Variants in PALLD observed in about 807,000 individuals in gnomAD.
The protein encoded by PALLD is palladin.
A neutral mutation model predicts 123.5 loss-of-function variants in PALLD; 61 were observed. The ratio of observed to expected loss-of-function variants is 0.49; its 90% CI spans 0.40 to 0.61. The LOEUF is 0.61. PALLD is among the 20% of genes least tolerant of loss of function. PALLD has a pLI of 0.00. For synonymous variants in PALLD, 465 were observed against 496.4 expected (o/e 0.94, Z 0.84); for missense variants, 1,273 against 1,377.0 (o/e 0.92, Z 1.20).
chr4:168,893,436 C>T (rs377648651), intron 11 of PALLD, among the ~76,000 whole-genome samples: 2 of 152,120 alleles, frequency 1.3e-5, no homozygotes, highest in Non-Finnish European at 2.9e-5. Context: ...TTTCACTTCC[C>T]GGTTTCAGCT....
chr4:168,688,383 G>A (rs1325153384), intron 6 of PALLD, among the ~76,000 whole-genome samples: 2 of 152,194 alleles, frequency 1.3e-5, no homozygotes, highest in Admixed American at 6.5e-5. Context: ...CAGACTGGTG[G>A]ACCACAGGAC....
chr4:168,523,258 A>AGGAGGAAG (rs1763735771), intron 2 of PALLD, among the ~76,000 whole-genome samples: 2 of 130,240 alleles, frequency 1.5e-5, no homozygotes, highest in African/African-American at 5.7e-5. Flanking sequence ...AGGGTAAGGA[A>AGGAGGAAG]GGAGGAAGGG....
At chr4:168,785,825 T>A (rs1736630468) in intron 10 of PALLD, among the ~76,000 whole-genome samples, 1 of 107,848 alleles carries the variant, frequency 9.3e-6, no homozygotes, top group Admixed American at 1.0e-4. Context: ...GGGGACAGAG[T>A]CAGTTCTAAT....
At chr4:168,691,029 A>G (rs1355802280) in intron 7 of PALLD, among the ~76,000 whole-genome samples, 4 of 152,190 alleles carry the variant, frequency 2.6e-5, no homozygotes, top group Admixed American at 6.5e-5. Context: ...GAGCCCATCT[A>G]TGAACTGCAG....
chr4:168,769,616 T>C (rs921387892), intron 10 of PALLD, among the ~76,000 whole-genome samples: 1 of 152,180 alleles, frequency 6.6e-6, no homozygotes, highest in African/African-American at 2.4e-5. Flanking sequence ...TCTGAGGAGC[T>C]TAGGGAACTC....
At chr4:168,701,533 A>T (rs976633136) in intron 8 of PALLD, among the ~76,000 whole-genome samples, 1 of 152,242 alleles carries the variant, frequency 6.6e-6, no homozygotes, top group South Asian at 2.1e-4. Context: ...TAGAAGCATC[A>T]GAAGGAATTC....
intron 2 of PALLD, among the ~76,000 whole-genome samples, chr4:168,523,366 A>G (rs1475932785): frequency 1.3e-5 from 2 of 152,058 alleles, no homozygotes; most frequent in Non-Finnish European, 2.9e-5. Context: ...CTTCAAAATA[A>G]TTTTCACCAT....
Position 168,710,720 on chromosome 4 carries a change from G to A in PALLD, c.1622-861G>A, listed in dbSNP as rs573525250. ...GTTACAGAGCAAAGAGGACCCCAGC[G>A]TTTTGATTCCGAGTTGGCTTCAACA... On this transcript the variant is annotated intron_variant, in intron 9 of 21. Transcript: ENST00000505667. Among the ~76,000 whole-genome samples the A allele has an allele frequency of 2.1e-4, 32 of 152,308 alleles. 1 individual carries two copies. In the East Asian group the frequency reaches 3.7e-3, roughly 17 times the overall value.
At position 168,898,575 on chromosome 4, in the gene PALLD, G is replaced by T. The variant is rs864622234; in HGVS notation, c.2333G>T (p.Gly778Val). The part of the protein sequence containing the change: ...RLERSPVDES[G>V]DEVQYGDVPV... ...GAAAGGTCTCCTGTGGATGAATCAG[G>T]TGATGAAGTTCAGTATGGAGATGTG... The change falls in exon 14 of 22, where the codon GGT becomes GTT. Residue 778 changes from glycine (G) to valine (V), a missense_variant. Gly to Val is a moderately radical substitution (Grantham distance 109, BLOSUM62 -3). This residue lies in a region of PALLD where 944 missense variants were observed against 954.5 expected (regional missense o/e 0.99). Coordinates refer to ENST00000505667, the MANE Select transcript of PALLD (RefSeq NM_001166108.2). 2 of 1,613,788 alleles carry T rather than the reference G, an allele frequency of 1.2e-6. No homozygotes were observed. The highest frequency in any genetic ancestry group is 1.7e-6 in the Non-Finnish European group (2 of 1,179,638).
At chr4:168,543,943 TGAA>T (rs1469459314) in intron 2 of PALLD, among the ~76,000 whole-genome samples, 1 of 152,248 alleles carries the variant, frequency 6.6e-6, no homozygotes, top group Non-Finnish European at 1.5e-5. Context: ...TGTGTATACA[TGAA>T]GATGTACTCA....
chr4:168,754,210 C>G (rs922777147), intron 10 of PALLD, among the ~76,000 whole-genome samples: 7 of 152,192 alleles, frequency 4.6e-5, no homozygotes, highest in African/African-American at 1.4e-4. Flanking sequence ...CACTGCTAAT[C>G]TATACCTCAG....
intron 2 of PALLD, among the ~76,000 whole-genome samples, chr4:168,557,721 A>T (rs1356885569): frequency 6.6e-6 from 1 of 152,194 alleles, no homozygotes; most frequent in African/African-American, 2.4e-5. Flanking sequence ...GGTCTCCTTC[A>T]GTAGTAAGAA....
chr4:168,830,407 G>T (rs1214695500), intron 10 of PALLD, among the ~76,000 whole-genome samples: 1 of 151,880 alleles, frequency 6.6e-6, no homozygotes, highest in East Asian at 1.9e-4. Context: ...GCACGTGCCT[G>T]TAGCCCTAGT....
Position 168,512,071 on chromosome 4 carries a change from A to G in PALLD, c.567A>G (p.Arg189=). Residue 189 remains arginine (R), a synonymous_variant, in exon 2 of 22, where the codon AGA becomes AGG. Coordinates refer to ENST00000505667, the MANE Select transcript of PALLD (RefSeq NM_001166108.2). The part of the protein sequence containing the change: ...LTSIFKAAKP[R]NRSPNGESSS... ...CCATATTTAAAGCCGCAAAGCCAAG[A>G]AACAGAAGCCCAAATGGGGAGTCCT... 6.2e-7 allele frequency: 1 copy of G among 1,614,244 alleles called. No individual in the cohort carries two copies. Among genetic ancestry groups the G allele is most frequent in the Middle Eastern group, 1.6e-4 (1 of 6,062 alleles).
At chr4:168,539,568 AAAAT>A (rs150961800) in intron 2 of PALLD, among the ~76,000 whole-genome samples, 28,972 of 144,996 alleles carry the variant, frequency 0.2, 3,069 homozygotes, top group South Asian at 0.25. Context: ...TCAAAAAATA[AAAAT>A]AAATAAATAA....
At chr4:168,514,770 T>C (rs1427932465) in intron 2 of PALLD, among the ~76,000 whole-genome samples, 1 of 152,182 alleles carries the variant, frequency 6.6e-6, no homozygotes, top group East Asian at 1.9e-4. Context: ...ACCCTTGAAG[T>C]ATACTACAAC....
intron 2 of PALLD, among the ~76,000 whole-genome samples, chr4:168,628,322 T>A (rs1254839657): frequency 6.6e-6 from 1 of 152,232 alleles, no homozygotes; most frequent in Non-Finnish European, 1.5e-5. Flanking sequence ...AGTCTCATCG[T>A]GTCCGTCCTC....
chr4:168,904,567 TAGGGG>T (rs1238492037), intron 15 of PALLD, among the ~76,000 whole-genome samples: 1 of 152,080 alleles, frequency 6.6e-6, no homozygotes, highest in Non-Finnish European at 1.5e-5. Context: ...ATGCTGGATA[TAGGGG>T]ATACAAAAAT....
Position 168,780,119 on chromosome 4 carries a change from G to A in PALLD, c.1964+68196G>A, listed in dbSNP as rs556013238. Among the ~76,000 whole-genome samples, 121 of 152,188 alleles carry A rather than the reference G, an allele frequency of 8.0e-4. 1 individual carries two copies. The highest frequency in any genetic ancestry group is 2.5e-3 in the African/African-American group (104 of 41,534). Reference sequence around the variant, plus strand: ...TCACCATGTTAGCCAGGCTGGTCTCGAACTCCTGACCTCAAGTGATTCGCC... The same window carrying A: ...TCACCATGTTAGCCAGGCTGGTCTCAAACTCCTGACCTCAAGTGATTCGCC... On this transcript the variant is annotated intron_variant, in intron 10 of 21. Transcript: ENST00000505667.
Sources: gnomAD v4.1 joint callset for allele counts (sites outside exome capture counted in the v4.1 genomes callset) on GRCh38, gnomAD v4.1.1 for gene constraint, gnomAD v4.1.1 regional missense constraint, MANE v1.5 for transcripts, NCBI Gene and HGNC (gene_info 2026-07-23, HGNC 2026-07-21) for gene names.